The following CDH26 variants were observed in gnomAD, a reference collection of about 807,000 sequenced individuals.
CDH26 encodes cadherin-like protein 26.
Under a neutral mutation model 90.3 loss-of-function variants are expected in CDH26, and 83 were observed. The ratio of observed to expected loss-of-function variants is 0.92; its 90% CI spans 0.77 to 1.10. The LOEUF is 1.10. Among genes scored for constraint, CDH26 ranks in the 50% least tolerant of loss-of-function variants. The pLI, the probability that CDH26 is intolerant of heterozygous loss-of-function variation, is 0.00. For missense variants in CDH26, 1,013 were observed against 1,037.6 expected (o/e 0.98, Z 0.33); for synonymous variants, 397 against 396.3 (o/e 1.00, Z -0.02).
intron 4 of CDH26, among the ~76,000 whole-genome samples, chr20:59,973,986 G>A (rs1275376868): frequency 6.6e-6 from 1 of 152,154 alleles, no homozygotes; most frequent in Non-Finnish European, 1.5e-5. Flanking sequence ...TTCCACAATG[G>A]TTGAAGTAAT....
intron 7 of CDH26, among the ~76,000 whole-genome samples, chr20:60,028,940 C>T (rs193110894): frequency 2.0e-5 from 3 of 152,256 alleles, no homozygotes; most frequent in African/African-American, 7.2e-5. Flanking sequence ...TCAATGTCCA[C>T]AGATAAATGA....
chr20:59,987,413 T>A (rs1426924426), intron 7 of CDH26, 40 bp from the exon 8 acceptor site: 1 of 1,547,296 alleles, frequency 6.5e-7, no homozygotes. Flanking sequence ...CAATTGTGTT[T>A]TTGTTTCCAT....
rs539993399 is a variant in CDH26, at chr20:59,988,981, G to T, written c.1101G>T (p.Glu367Asp). Residue 367 changes from glutamate to aspartate, a missense_variant, in exon 9 of 18, where the codon GAG becomes GAT. Coordinates refer to ENST00000348616, the MANE Select transcript of CDH26 (RefSeq NM_177980.4). ...ATGAGGAGAGGCTCGTCTTCTGTGAGAGAGGAAAGCTTCAGCCGCCAAGGA... is the reference window on the plus strand; with the variant it reads ...ATGAGGAGAGGCTCGTCTTCTGTGATAGAGGAAAGCTTCAGCCGCCAAGGA... ...VENEERLVFC[E>D]RGKLQPPRKA... 1.2e-6 allele frequency: 2 copies of T among 1,614,196 alleles called. No homozygotes were observed. Among genetic ancestry groups the T allele is most frequent in the South Asian group, 2.2e-5 (2 of 91,084 alleles).
At chr20:59,975,392 C>G (rs1049713231) in intron 4 of CDH26, among the ~76,000 whole-genome samples, 1 of 152,132 alleles carries the variant, frequency 6.6e-6, no homozygotes. Flanking sequence ...AGGAGAGGCC[C>G]GGAAGAGTCT....
chr20:60,012,474 C>G, intron 17 of CDH26, 53 bp from the exon 18 acceptor site: 1 of 1,531,012 alleles, frequency 6.5e-7, no homozygotes, highest in Non-Finnish European at 8.9e-7. Context: ...GAGAAATGAG[C>G]TGGGTATGGA....
intron 4 of CDH26, among the ~76,000 whole-genome samples, chr20:59,979,441 C>T (rs1344445174): frequency 6.6e-6 from 1 of 151,912 alleles, no homozygotes; most frequent in Non-Finnish European, 1.5e-5. Flanking sequence ...TTGTGATCTG[C>T]CCACCTGGGC....
chr20:60,001,391 C>G lies in CDH26; in HGVS notation c.2146C>G (p.Arg716Gly). The change falls in exon 15 of 18, where the codon CGC (arginine) becomes GGC (glycine). Residue 716 changes from arginine (R) to glycine (G), a missense_variant. Transcript: ENST00000348616. The stretch of plus-strand genomic sequence containing the variant: ...TGCAGCGAGTCAGTCAGCCCAAGCA[C>G]GCTGTGCTCTGGGGAGCTGGGTGAG... ...PSAASQSAQA[R>G]CALGSWGYGK... The G allele has an allele frequency of 6.2e-7, 1 of 1,614,012 alleles. No homozygotes were observed. The highest frequency in any genetic ancestry group is 8.5e-7 in the Non-Finnish European group (1 of 1,179,992).
chr20:60,008,100 A>T (rs967753155), intron 17 of CDH26, among the ~76,000 whole-genome samples: 1 of 152,150 alleles, frequency 6.6e-6, no homozygotes, highest in Admixed American at 6.5e-5. Flanking sequence ...TGCCCAGGCC[A>T]TTCTGACTCT....
At chr20:60,028,060 C>T (rs530781455) in intron 7 of CDH26, among the ~76,000 whole-genome samples, 2 of 152,262 alleles carry the variant, frequency 1.3e-5, no homozygotes, top group South Asian at 4.1e-4. Flanking sequence ...CACCTGTGCT[C>T]TTCTGTGTAT....
intron 13 of CDH26, among the ~76,000 whole-genome samples, chr20:59,997,470 C>T (rs1022673450): frequency 6.6e-6 from 1 of 152,248 alleles, no homozygotes; most frequent in African/African-American, 2.4e-5. Context: ...CCTATGAAGG[C>T]ACCTAACACA....
At chr20:59,969,093 A>G in intron 2 of CDH26, 70 bp downstream of exon 2, 1 of 964,824 alleles carries the variant, frequency 1.0e-6, no homozygotes, top group Non-Finnish European at 1.7e-6. Context: ...ACAGAATTGC[A>G]GTTTGGAGTT....
intron 16 of CDH26, among the ~76,000 whole-genome samples, chr20:60,006,190 G>A (rs2061747466): frequency 6.6e-6 from 1 of 152,176 alleles, no homozygotes; most frequent in African/African-American, 2.4e-5. Flanking sequence ...ATTTAGTGGT[G>A]GGATTTGTGA....
chr20:59,977,093 G>A (rs548003580), intron 4 of CDH26, among the ~76,000 whole-genome samples: 22 of 152,278 alleles, frequency 1.4e-4, no homozygotes, highest in Non-Finnish European at 2.9e-4. Flanking sequence ...TCTCCATGGT[G>A]CAGAGCTGGA....
chr20:60,004,234 CAT>C (rs777818557), intron 16 of CDH26, among the ~76,000 whole-genome samples: 25 of 152,320 alleles, frequency 1.6e-4, no homozygotes, highest in Non-Finnish European at 2.6e-4. Context: ...TGTGTACACA[CAT>C]GTGTATATGT....
rs8122752 is a variant in CDH26 at position 60,011,291 on chromosome 20, T to C, written c.2296-1236T>C. ...AGAGTTTCATGAACTTTGGTCATTC[T>C]GTCACTACTGTCACGCTTGTGTTTA... On this transcript the variant is annotated intron_variant, in intron 17 of 17. Transcript: ENST00000348616. Among the ~76,000 whole-genome samples, 1,438 of 152,350 alleles carry C rather than the reference T, an allele frequency of 9.4e-3. 28 individuals carry two copies. Among genetic ancestry groups the C allele is most frequent in the African/African-American group, 0.033 (1,365 of 41,578 alleles).
chr20:60,012,546 T>C lies in CDH26; in HGVS notation c.2315T>C (p.Val772Ala), dbSNP rs752666508. The C allele has an allele frequency of 6.2e-7, 1 of 1,613,742 alleles. No individual in the cohort carries two copies. Among genetic ancestry groups the C allele is most frequent in the Non-Finnish European group, 8.5e-7 (1 of 1,179,760 alleles). The change falls in exon 18 of 18, where the codon GTG becomes GCG. Residue 772 changes from valine to alanine, a missense_variant. By Grantham distance (64) the Val-to-Ala change is moderately conservative. Transcript: ENST00000348616. ...TLNQKLHVAN[V>A]LEDDPGYLPH... ...CCCCAGAAACTCCATGTTGCCAATGTGCTGGAAGATGACCCCGGCTACCTA... is the reference window on the plus strand; with the variant it reads ...CCCCAGAAACTCCATGTTGCCAATGCGCTGGAAGATGACCCCGGCTACCTA...
At chr20:59,960,843 A>C (rs2061061096) in intron 1 of CDH26, among the ~76,000 whole-genome samples, 1 of 152,236 alleles carries the variant, frequency 6.6e-6, no homozygotes, top group Non-Finnish European at 1.5e-5. Flanking sequence ...GTAACGACCC[A>C]GCCGTTTTTC....
intron 14 of CDH26, among the ~76,000 whole-genome samples, chr20:60,000,656 A>G (rs1371862106): frequency 2.0e-5 from 3 of 152,178 alleles, no homozygotes; most frequent in Admixed American, 1.3e-4. Flanking sequence ...GGTAGGGGCA[A>G]TCTTGCTTCC....
intron 4 of CDH26, among the ~76,000 whole-genome samples, chr20:59,978,865 G>A (rs1387661844): frequency 6.6e-6 from 1 of 152,076 alleles, no homozygotes; most frequent in Non-Finnish European, 1.5e-5. Context: ...TAACTTCTTT[G>A]ACAATATAAT....
Sources: gnomAD v4.1 joint callset for allele counts (sites outside exome capture counted in the v4.1 genomes callset) on GRCh38, gnomAD v4.1.1 for gene constraint, MANE v1.5 for transcripts, NCBI Gene and HGNC (gene_info 2026-07-23, HGNC 2026-07-21) for gene names.